The following SANBR variants were observed in gnomAD, a reference collection of about 807,000 sequenced individuals.
SANBR encodes the protein SANT and BTB domain regulator of CSR.
Under a neutral mutation model 101.8 loss-of-function variants are expected in SANBR, and 77 were observed. The observed-to-expected ratio is 0.76, with a 90% CI of 0.63 to 0.91. The LOEUF (loss-of-function observed/expected upper bound fraction) is 0.91. Ranked by LOEUF, SANBR falls within the 40% of genes least tolerant of loss-of-function variation. SANBR has a pLI of 0.00. For missense variants in SANBR, 875 were observed against 853.0 expected, an observed-to-expected ratio of 1.03 and a Z score of -0.32; for synonymous variants, 279 against 274.7, an observed-to-expected ratio of 1.02 and a Z score of -0.15.
intron 13 of SANBR, among the ~76,000 whole-genome samples, chr2:61,105,365 C>CA (rs976027751): frequency 4.4e-4 from 59 of 132,870 alleles, no homozygotes; most frequent in East Asian, 9.1e-4. Context: ...GACTCCGTCT[C>CA]AAAAAAAAAA....
chr2:61,074,227 C>G (rs1359923823), intron 5 of SANBR, among the ~76,000 whole-genome samples: 1 of 152,044 alleles, frequency 6.6e-6, no homozygotes, highest in Non-Finnish European at 1.5e-5. Flanking sequence ...AAAATGAACC[C>G]TTTGAAAAAG....
chr2:61,103,809 T>C (rs745932638), intron 12 of SANBR, 44 bp from the exon 13 acceptor site: 2 of 1,580,904 alleles, frequency 1.3e-6, no homozygotes, highest in Non-Finnish European at 1.7e-6. Context: ...AAAGGAGTGT[T>C]CTATAACAAA....
chr2:61,103,758 G>C, intron 12 of SANBR, 95 bp from the exon 13 acceptor site: 1 of 1,121,202 alleles, frequency 8.9e-7, no homozygotes, highest in Non-Finnish European at 1.3e-6. Flanking sequence ...ATATGTATAT[G>C]ACAATATGAC....
At chr2:61,110,604 G>A (rs571639646) in intron 16 of SANBR, among the ~76,000 whole-genome samples, 5 of 152,228 alleles carry the variant, frequency 3.3e-5, no homozygotes, top group East Asian at 3.9e-4. Flanking sequence ...GCTTGAACCC[G>A]CAAGGCGGAG....
intron 16 of SANBR, among the ~76,000 whole-genome samples, chr2:61,114,661 A>G (rs1683989262): frequency 2.0e-5 from 3 of 152,134 alleles, no homozygotes; most frequent in South Asian, 4.1e-4. Flanking sequence ...GTATATACAC[A>G]TACATATATT....
In SANBR at chr2:61,076,933, A is replaced by T; in HGVS notation, c.445A>T (p.Ile149Phe). The T allele has an allele frequency of 6.2e-7, 1 of 1,609,306 alleles. No homozygotes were observed. Among genetic ancestry groups the T allele is most frequent in the East Asian group, 2.2e-5 (1 of 44,852 alleles). The change falls in exon 6 of 22, where the codon ATC (isoleucine) becomes TTC (phenylalanine). Residue 149 changes from isoleucine to phenylalanine, a missense_variant. Coordinates refer to ENST00000402291, the MANE Select transcript of SANBR (RefSeq NM_001129993.3). ...TEESEGPNMVIHVCDEAKNLK... is the reference protein window; with the variant it reads ...TEESEGPNMVFHVCDEAKNLK... ...ATTTTTATGAAGGCCAAACATGGTG[A>T]TCCATGTGTGTGATGAAGCAAAAAA...
In SANBR at chr2:61,123,135, G is replaced by C; in HGVS notation, c.*973G>C. The stretch of plus-strand genomic sequence containing the variant: ...ATGTTTAAATTTTTCTAGCCAGGCA[G>C]AAAGAGTGCTCAGGGAAAATTTGTT... On this transcript the variant is annotated 3_prime_UTR_variant, in exon 22 of 22. Transcript: ENST00000402291. The C allele has an allele frequency of 3.1e-6, 3 of 980,072 alleles. No individual in the cohort carries two copies. Among genetic ancestry groups the C allele is most frequent in the Non-Finnish European group, 2.4e-6 (2 of 824,958 alleles). 60.7% of individuals were successfully genotyped at this position (980,072 alleles called of 1,614,324 possible).
At chr2:61,073,865 C>T (rs995330810) in intron 5 of SANBR, among the ~76,000 whole-genome samples, 14 of 151,786 alleles carry the variant, frequency 9.2e-5, no homozygotes, top group African/African-American at 3.4e-4. Flanking sequence ...ATTAATTCTC[C>T]GACTTTACTA....
intron 1 of SANBR, among the ~76,000 whole-genome samples, chr2:61,066,740 A>G (rs1026293152): frequency 2.6e-4 from 40 of 152,220 alleles, no homozygotes; most frequent in African/African-American, 9.2e-4. Flanking sequence ...ATAAGAAAAA[A>G]ATATATCAGA....
In SANBR at chr2:61,071,639, G is replaced by A; in HGVS notation, c.184G>A (p.Gly62Arg). 1 of 1,577,528 alleles carries A rather than the reference G, an allele frequency of 6.3e-7. No homozygotes were observed. Among genetic ancestry groups the A allele is most frequent in the Non-Finnish European group, 8.6e-7 (1 of 1,168,604 alleles). Residue 62 changes from glycine (G) to arginine (R), a missense_variant, in exon 4 of 22, where the codon GGA becomes AGA. Coordinates refer to ENST00000402291, the MANE Select transcript of SANBR (RefSeq NM_001129993.3). ...AAGGTTTGATGAATTAAAGAGCAGT[G>A]GAAGCTCGCCTGTTGACAACCAGTA... ...AKRFDELKSS[G>R]SSPVDNQYNS...
chr2:61,117,244 T>C (rs1375581593), intron 17 of SANBR, 113 bp from the exon 18 acceptor site: 2 of 969,062 alleles, frequency 2.1e-6, no homozygotes, highest in East Asian at 2.4e-5. Context: ...CTTGTAATGC[T>C]CTTGGTACAG....
chr2:61,087,301 A>G (rs1223440882), intron 8 of SANBR, among the ~76,000 whole-genome samples: 1 of 152,214 alleles, frequency 6.6e-6, no homozygotes. Flanking sequence ...CAAGCCTGTA[A>G]TCTCAGCACT....
At chr2:61,111,385 T>C (rs1683824976) in intron 16 of SANBR, among the ~76,000 whole-genome samples, 2 of 152,134 alleles carry the variant, frequency 1.3e-5, no homozygotes, top group Non-Finnish European at 2.9e-5. Context: ...AGAGCGAGAC[T>C]CCGTCTCAAA....
At position 61,118,566 on chromosome 2, in the gene SANBR, GTT is replaced by G. The variant is rs1175530888; in HGVS notation, c.2028+470_2028+471del. ...AAATATATGTGGGGGTTTTTTGTTGGTTTTTTTTTTTTTTTTTTTTTGAGATG... is the reference window on the plus strand; with the variant it reads ...AAATATATGTGGGGGTTTTTTGTTGGTTTTTTTTTTTTTTTTTTTGAGATG... On this transcript the variant is annotated intron_variant, in intron 20 of 21. Transcript: ENST00000402291. Among the ~76,000 whole-genome samples, 964 of 99,468 alleles carry G rather than the reference GTT, an allele frequency of 9.7e-3. 7 individuals carry two copies. Among genetic ancestry groups the G allele is most frequent in the African/African-American group, 0.04 (888 of 22,108 alleles). The allele number at this position is 99,468 out of a possible 152,430, so 65.3% of individuals were successfully genotyped here.
chr2:61,097,300 T>G lies in SANBR; in HGVS notation c.1213-400T>G, dbSNP rs533237269. 2.6e-5 allele frequency among the ~76,000 whole-genome samples: 4 copies of G among 152,372 alleles called. No individual in the cohort carries two copies. The East Asian group carries it at 5.8e-4, about 22-fold the overall frequency. ...GAATTTTGCTTAAGGTGATTTCATT[T>G]TTTGCTGTCTAATAGCTTTATTCAA... On this transcript the variant is annotated intron_variant, in intron 11 of 21. Coordinates refer to ENST00000402291, the MANE Select transcript of SANBR (RefSeq NM_001129993.3).
rs1354842615 is a variant in SANBR, at chr2:61,070,405, G to C, written c.55G>C (p.Val19Leu). 6.2e-7 allele frequency: 1 copy of C among 1,600,696 alleles called. No individual in the cohort carries two copies. Among genetic ancestry groups the C allele is most frequent in the East Asian group, 2.3e-5 (1 of 43,682 alleles). The change falls in exon 3 of 22, where the codon GTA becomes CTA. Residue 19 changes from valine (V) to leucine (L), a missense_variant. Transcript: ENST00000402291. ...NNFLNNNNQM[V>L]LDMILYPLIG... Reference sequence around the variant, plus strand: ...TTTCCTGAACAATAATAACCAAATGGTATTGGACATGATCCTTTATCCATT... The same window carrying C: ...TTTCCTGAACAATAATAACCAAATGCTATTGGACATGATCCTTTATCCATT...
intron 18 of SANBR, 22 bp from the exon 19 acceptor site, chr2:61,117,445 T>C: frequency 6.2e-7 from 1 of 1,613,504 alleles, no homozygotes; most frequent in Non-Finnish European, 8.5e-7. Context: ...CAATGCTGAT[T>C]TTTGTTCAAT....
At chr2:61,126,695 G>T (rs1274835835), downstream of SANBR, among the ~76,000 whole-genome samples, 1 of 150,350 alleles carries the variant, frequency 6.7e-6, no homozygotes, top group Non-Finnish European at 1.5e-5. Flanking sequence ...CCAGCTACTT[G>T]GGAGGCTGCA....
intron 12 of SANBR, among the ~76,000 whole-genome samples, chr2:61,102,884 G>C (rs1047068925): frequency 2.6e-5 from 4 of 151,968 alleles, no homozygotes; most frequent in African/African-American, 9.7e-5. Context: ...GCAAGCATTT[G>C]GAGTAACAGG....
Sources: allele counts gnomAD v4.1 joint callset (sites outside exome capture counted in the v4.1 genomes callset), GRCh38; gene constraint gnomAD v4.1.1; transcripts MANE v1.5; gene names NCBI Gene and HGNC (gene_info 2026-07-23, HGNC 2026-07-21).